DRC11: variants seen among roughly 807,000 people sequenced by gnomAD.
DRC11 encodes dynein regulatory complex subunit 11.
the DRC11 span, among the ~76,000 whole-genome samples, chr2:236,379,807 G>C: frequency 1.2e-5 from 1 of 80,134 alleles, no homozygotes; most frequent in Non-Finnish European, 2.5e-5. Flanking sequence ...GACCAAGGGA[G>C]AGGGGAGGGA....
the DRC11 span, among the ~76,000 whole-genome samples, chr2:236,459,126 A>G: frequency 6.6e-6 from 1 of 152,178 alleles, no homozygotes; most frequent in Non-Finnish European, 1.5e-5. Flanking sequence ...TAATACATAT[A>G]TAACTACATT....
chr2:236,378,776 A>C, the DRC11 span, among the ~76,000 whole-genome samples: 1 of 151,866 alleles, frequency 6.6e-6, no homozygotes, highest in African/African-American at 2.4e-5. Flanking sequence ...CTGCCCCCCA[A>C]ATCTGCCCCA....
At chr2:236,507,291 C>T in the DRC11 span, 2 of 1,613,936 alleles carry the variant, frequency 1.2e-6, no homozygotes, top group East Asian at 2.2e-5. Flanking sequence ...CCCTCTTTTC[C>T]TCGCCCTCCG....
the DRC11 span, chr2:236,486,769 A>G: frequency 9.2e-7 from 1 of 1,082,752 alleles, no homozygotes; most frequent in Middle Eastern, 2.1e-4. The surrounding 1 kb of genome is among the most constrained non-coding windows in gnomAD (Gnocchi z 5.7). Flanking sequence ...AAGAAGACAC[A>G]GTCTCACATA....
At chr2:236,341,896 C>T in the DRC11 span, among the ~76,000 whole-genome samples, 33 of 152,294 alleles carry the variant, frequency 2.2e-4, no homozygotes, top group African/African-American at 7.7e-4. Context: ...CCGGGAGTTT[C>T]CCTGACATAT....
the DRC11 span, chr2:236,412,912 G>A: frequency 7.2e-5 from 11 of 152,358 alleles, no homozygotes; most frequent in African/African-American, 2.7e-4. Context: ...AGGAGGTGGG[G>A]GCACTGGCTG....
the DRC11 span, chr2:236,487,995 T>C: frequency 6.4e-7 from 1 of 1,567,386 alleles, no homozygotes; most frequent in Non-Finnish European, 8.6e-7. Flanking sequence ...GCCCTAGGTT[T>C]GCACCTTCTG....
the DRC11 span, chr2:236,380,615 T>G: frequency 6.4e-7 from 1 of 1,551,454 alleles, no homozygotes. This position sits in a 1 kb window ranked among gnomAD's most constrained non-coding sequence, Gnocchi z 4.9. Context: ...TTCTCTTTCT[T>G]TTTGCCTTTC....
chr2:236,411,902 G>T, the DRC11 span, among the ~76,000 whole-genome samples: 13 of 118,324 alleles, frequency 1.1e-4, no homozygotes, highest in Middle Eastern at 4.5e-3. Context: ...GTTGTGGGGT[G>T]GGGGGAGGGG....
chr2:236,492,065 G>A, the DRC11 span, among the ~76,000 whole-genome samples: 1 of 152,192 alleles, frequency 6.6e-6, no homozygotes, highest in Non-Finnish European at 1.5e-5. Context: ...CTTCTGCCAT[G>A]TTATGACACT....
chr2:236,428,239 T>C, the DRC11 span, among the ~76,000 whole-genome samples: 2 of 152,198 alleles, frequency 1.3e-5, no homozygotes, highest in African/African-American at 4.8e-5. Flanking sequence ...TGTATATGTC[T>C]ATTAGGTCCA....
At chr2:236,421,781 C>T in the DRC11 span, among the ~76,000 whole-genome samples, 2 of 151,930 alleles carry the variant, frequency 1.3e-5, no homozygotes, top group African/African-American at 4.8e-5. Context: ...AGACCAATAT[C>T]CTTGAACATT....
the DRC11 span, among the ~76,000 whole-genome samples, chr2:236,343,960 C>T: frequency 6.6e-6 from 1 of 152,082 alleles, no homozygotes; most frequent in Non-Finnish European, 1.5e-5. The surrounding 1 kb of genome is among the most constrained non-coding windows in gnomAD (Gnocchi z 6.6). Context: ...CAGAAATTCA[C>T]AGTTAACCAC....
At chr2:236,325,277 G>A in the DRC11 span, among the ~76,000 whole-genome samples, 43,745 of 152,044 alleles carry the variant, frequency 0.29, 8,739 homozygotes, top group African/African-American at 0.58. The surrounding 1 kb of genome is among the most constrained non-coding windows in gnomAD (Gnocchi z 4.4). Flanking sequence ...CAACCTTTGC[G>A]TTTTATTTGA....
chr2:236,505,542 C>A, the DRC11 span, among the ~76,000 whole-genome samples: 6 of 152,054 alleles, frequency 3.9e-5, no homozygotes, highest in African/African-American at 1.4e-4. Flanking sequence ...CTTCACTGCA[C>A]CTCCAGACAT....
the DRC11 span, chr2:236,465,806 A>G: frequency 1.3e-6 from 1 of 768,214 alleles, no homozygotes. The surrounding 1 kb of genome is among the most constrained non-coding windows in gnomAD (Gnocchi z 6.2). Flanking sequence ...TATCTTCCAT[A>G]GTGTCTAGCA....
chr2:236,490,994 G>T, the DRC11 span, among the ~76,000 whole-genome samples: 1 of 133,492 alleles, frequency 7.5e-6, no homozygotes, highest in African/African-American at 2.7e-5. The surrounding 1 kb of genome is among the most constrained non-coding windows in gnomAD (Gnocchi z 5.5). Flanking sequence ...TATACCCCAA[G>T]AATATATTGT....
the DRC11 span, among the ~76,000 whole-genome samples, chr2:236,436,765 A>C: frequency 6.6e-6 from 1 of 152,172 alleles, no homozygotes. Context: ...AAATGAGTTG[A>C]CTTATATAAA....
chr2:236,355,821 G>C, the DRC11 span, among the ~76,000 whole-genome samples: 17 of 152,202 alleles, frequency 1.1e-4, no homozygotes, highest in East Asian at 2.7e-3. Flanking sequence ...TAATCAGGAA[G>C]AGAAGTCTTC....
Sources: allele counts gnomAD v4.1 joint callset (sites outside exome capture counted in the v4.1 genomes callset), GRCh38; gene constraint gnomAD v4.1.1; non-coding constraint Gnocchi (gnomAD v3.1); transcripts MANE v1.5; gene names NCBI Gene and HGNC (gene_info 2026-07-23, HGNC 2026-07-21).